WDR43: variants seen among roughly 807,000 people sequenced by gnomAD.
The protein encoded by WDR43 is WD repeat domain 43, also known as WD repeat-containing protein 43.
Under a neutral mutation model 91.4 loss-of-function variants are expected in WDR43, and 13 were observed. The observed-to-expected ratio is 0.14, with a 90% CI of 0.09 to 0.23. The LOEUF (loss-of-function observed/expected upper bound fraction) is 0.23. WDR43 is among the 10% of genes least tolerant of loss of function. WDR43 has a pLI of 1.00. For missense variants in WDR43, 780 were observed against 809.4 expected (o/e 0.96, Z 0.44); for synonymous variants, 331 against 287.9 (o/e 1.15, Z -1.51).
chr2:28,941,893 C>T (rs1349535630), intron 15 of WDR43, among the ~76,000 whole-genome samples: 2 of 152,176 alleles, frequency 1.3e-5, no homozygotes, highest in Non-Finnish European at 2.9e-5. Context: ...CCACGCCTGG[C>T]TGAGAGCTCC....
intron 3 of WDR43, among the ~76,000 whole-genome samples, chr2:28,908,125 G>C (rs1019803934): frequency 1.3e-5 from 2 of 152,196 alleles, no homozygotes; most frequent in Non-Finnish European, 2.9e-5. Flanking sequence ...ATTGAGTTTA[G>C]TTTTCAGCTT....
intron 10 of WDR43, among the ~76,000 whole-genome samples, chr2:28,928,813 C>G (rs143558605): frequency 1.3e-5 from 2 of 151,974 alleles, no homozygotes; most frequent in East Asian, 2.0e-4. Flanking sequence ...TCTTGAGTAG[C>G]TGGGACCATA....
intron 11 of WDR43, among the ~76,000 whole-genome samples, chr2:28,933,414 C>G (rs1671284378): frequency 6.6e-6 from 1 of 152,088 alleles, no homozygotes; most frequent in South Asian, 2.1e-4. Context: ...ACTGTAAAAC[C>G]TAAAACTACA....
intron 1 of WDR43, chr2:28,895,358 G>A (rs1490955481): frequency 1.3e-5 from 2 of 158,726 alleles, no homozygotes; most frequent in East Asian, 1.8e-4. Context: ...CAGTTGGTAT[G>A]GACTAGTCTG....
At chr2:28,923,372 C>G (rs1016640842) in intron 7 of WDR43, among the ~76,000 whole-genome samples, 8 of 152,160 alleles carry the variant, frequency 5.3e-5, no homozygotes, top group Non-Finnish European at 1.2e-4. Context: ...GGTTGTGTAG[C>G]AGTCATAGAC....
At chr2:28,901,964 A>G in intron 1 of WDR43, 23 bp from the exon 2 acceptor site, 1 of 1,579,368 alleles carries the variant, frequency 6.3e-7, no homozygotes, top group Non-Finnish European at 8.6e-7. Context: ...CTAAATAAAA[A>G]CATTGTTTTT....
intron 16 of WDR43, among the ~76,000 whole-genome samples, chr2:28,943,154 C>T (rs1047913304): frequency 2.0e-5 from 3 of 151,986 alleles, no homozygotes; most frequent in Non-Finnish European, 4.4e-5. Flanking sequence ...TTCTTTTTTG[C>T]ACAGACTCTC....
intron 5 of WDR43, among the ~76,000 whole-genome samples, chr2:28,917,128 A>G (rs1045097523): frequency 6.6e-6 from 1 of 152,184 alleles, no homozygotes; most frequent in East Asian, 1.9e-4. Context: ...TAGGTGAACT[A>G]CTTGTTGATA....
rs71403628 is a variant in WDR43 at position 28,910,678 on chromosome 2, A to AATATATATATATATATATATATAT, written c.486-1895_486-1894insTATATATATATATATATATATATA. Among the ~76,000 whole-genome samples, 30 of 142,646 alleles carry AATATATATATATATATATATATAT rather than the reference A, an allele frequency of 2.1e-4. No individual in the cohort carries two copies. The East Asian group carries it at 2.8e-3, about 13-fold the overall frequency. The allele number at this position is 142,646 out of a possible 152,430, so 93.6% of individuals were successfully genotyped here. A position where few individuals can be genotyped will look rare whatever the true frequency, so the allele number is the denominator to read the frequency against. ...CAGATAACGTGCGTGTGTGTGTGTA[A>AATATATATATATATATATATATAT]ATATATATATATATATAATTATTAT... On this transcript the variant is annotated intron_variant, in intron 3 of 17. Coordinates refer to ENST00000407426, the MANE Select transcript of WDR43 (RefSeq NM_015131.3).
Position 28,929,692 on chromosome 2 carries a change from C to T in WDR43, c.1419C>T (p.Asn473=), listed in dbSNP as rs188002595. Residue 473 remains asparagine (N), a synonymous_variant, in exon 11 of 18, where the codon AAC becomes AAT. Coordinates refer to ENST00000407426, the MANE Select transcript of WDR43 (RefSeq NM_015131.3). ...TTCTTACCCAGGGCTTAGAAAGTAACGATTTTGAAATGCTAAATGTAAGTA... is the reference window on the plus strand; with the variant it reads ...TTCTTACCCAGGGCTTAGAAAGTAATGATTTTGAAATGCTAAATGTAAGTA... The part of the protein sequence containing the change: ...PVLLTQGLES[N]DFEMLNKVLQ... 9.8e-4 allele frequency: 1,578 copies of T among 1,612,450 alleles called. 1 individual carries two copies. Among genetic ancestry groups the T allele is most frequent in the Non-Finnish European group, 1.2e-3 (1,381 of 1,179,356 alleles).
chr2:28,931,390 T>G (rs558229731), intron 11 of WDR43, among the ~76,000 whole-genome samples: 1 of 152,334 alleles, frequency 6.6e-6, no homozygotes, highest in African/African-American at 2.4e-5. Flanking sequence ...ATTTTTGCTT[T>G]CTTTAAAACA....
rs1360436330 is a variant in WDR43, at chr2:28,912,729, T to G, written c.606+19T>G. On this transcript the variant is annotated intron_variant, in intron 4 of 17. Transcript: ENST00000407426. ...CTACAGGGTGAGCGAATCAAATTAT[T>G]TGTAAGCATAAAAATTATAGAGTAA... 1.2e-6 allele frequency: 2 copies of G among 1,609,068 alleles called. No individual in the cohort carries two copies. Among genetic ancestry groups the G allele is most frequent in the Non-Finnish European group, 1.7e-6 (2 of 1,177,594 alleles).
chr2:28,911,963 A>G (rs922407438), intron 3 of WDR43, among the ~76,000 whole-genome samples: 24 of 152,168 alleles, frequency 1.6e-4, no homozygotes, highest in African/African-American at 5.8e-4. Context: ...CAAGTTCCCT[A>G]TTGCCTATGA....
intron 3 of WDR43, 147 bp from the exon 4 acceptor site, chr2:28,912,443 C>G (rs1345432227): frequency 1.2e-5 from 11 of 949,924 alleles, no homozygotes; most frequent in Non-Finnish European, 1.7e-5. Context: ...GGTTAGTTAC[C>G]TGACACAAGC....
intron 3 of WDR43, among the ~76,000 whole-genome samples, chr2:28,910,275 G>C (rs1009508275): frequency 6.6e-6 from 1 of 152,180 alleles, no homozygotes; most frequent in Non-Finnish European, 1.5e-5. Context: ...TATCAGCCTC[G>C]TCTAGGCAGG....
intron 2 of WDR43, 99 bp downstream of exon 2, chr2:28,902,223 G>T: frequency 8.0e-7 from 1 of 1,250,218 alleles, no homozygotes; most frequent in South Asian, 2.0e-5. Flanking sequence ...GATGGGATCT[G>T]TGCAGTAGGG....
Position 28,935,619 on chromosome 2 carries a change from C to G in WDR43, c.1524+12C>G, listed in dbSNP as rs370914424. Reference sequence around the variant, plus strand: ...CGTTGTTACAAGAGGTAACTGACTGCTTTTTTCATTTCAGCATCCTAATGC... The same window carrying G: ...CGTTGTTACAAGAGGTAACTGACTGGTTTTTTCATTTCAGCATCCTAATGC... On this transcript the variant is annotated intron_variant, in intron 12 of 17. Coordinates refer to ENST00000407426, the MANE Select transcript of WDR43 (RefSeq NM_015131.3). 6.5e-6 allele frequency: 10 copies of G among 1,549,722 alleles called. No homozygotes were observed. In the African/African-American group the frequency reaches 1.2e-4, roughly 19 times the overall value.
At chr2:28,935,658 G>T in intron 12 of WDR43, 51 bp downstream of exon 12, 2 of 1,291,606 alleles carry the variant, frequency 1.5e-6, no homozygotes, top group South Asian at 1.5e-5. Context: ...GAGTTAAATG[G>T]AAAATTCAGT....
At chr2:28,937,071 A>G in intron 13 of WDR43, 118 bp downstream of exon 13, 1 of 924,852 alleles carries the variant, frequency 1.1e-6, no homozygotes, top group Non-Finnish European at 1.6e-6. Context: ...ACCCCTCGCC[A>G]CCTCCCTTAT....
Sources: gnomAD v4.1 joint callset for allele counts (sites outside exome capture counted in the v4.1 genomes callset) on GRCh38, gnomAD v4.1.1 for gene constraint, MANE v1.5 for transcripts, NCBI Gene and HGNC (gene_info 2026-07-23, HGNC 2026-07-21) for gene names.